The following FAM170A variants were observed in gnomAD, a reference collection of about 807,000 sequenced individuals.
The protein encoded by FAM170A is protein FAM170A.
In FAM170A, 28 loss-of-function variants were observed where a neutral mutation model predicts 36.6. That is an observed-to-expected ratio of 0.76 (90% confidence interval 0.57 to 1.05). FAM170A has a LOEUF of 1.05. Among genes scored for constraint, FAM170A ranks in the 50% least tolerant of loss-of-function variants. The probability of loss-of-function intolerance (pLI) is 0.00; values close to 1 mark genes in which losing one functional copy is unlikely to be tolerated. For missense variants in FAM170A, 434 were observed against 396.5 expected, an observed-to-expected ratio of 1.09 and a Z score of -0.80; for synonymous variants, 156 against 143.9, an observed-to-expected ratio of 1.08 and a Z score of -0.60.
chr5:119,632,728 T>G lies in FAM170A; in HGVS notation c.71-20T>G, dbSNP rs328698. The G allele has an allele frequency of 0.44, 682,377 of 1,541,124 alleles. 153,630 individuals carry two copies. Among genetic ancestry groups the G allele is most frequent in the East Asian group, 0.55 (23,888 of 43,470 alleles). ...CATTACCCATCCATCATATCTCTGT[T>G]CCCTTCATACCTTTCTCAGGAATGT... On this transcript the variant is annotated intron_variant, in intron 1 of 4. Coordinates refer to ENST00000613773, the Ensembl canonical transcript of FAM170A.
chr5:119,630,143 G>A (rs1394619427), intron 1 of FAM170A, among the ~76,000 whole-genome samples: 3 of 106,902 alleles, frequency 2.8e-5, no homozygotes, highest in Non-Finnish European at 5.4e-5. Flanking sequence ...CGCCTGCCTC[G>A]GCCTCCTTTT....
At position 119,634,452 on chromosome 5, in the gene FAM170A, G is replaced by A. The variant is rs749998655; in HGVS notation, c.704G>A (p.Arg235Gln). Reference sequence around the variant, plus strand: ...GGCTTCAGGTGCATGGCCTGCTGCCGGGTGTTCACCACCATGGAAGCCCTC... The same window carrying A: ...GGCTTCAGGTGCATGGCCTGCTGCCAGGTGTTCACCACCATGGAAGCCCTC... Residue 235 changes from arginine to glutamine, a missense_variant, in exon 3 of 5, where the codon CGG becomes CAG. Coordinates refer to ENST00000613773, the Ensembl canonical transcript of FAM170A. The A allele has an allele frequency of 2.2e-5, 36 of 1,614,042 alleles. No homozygotes were observed. Among genetic ancestry groups the A allele is most frequent in the African/African-American group, 5.3e-5 (4 of 74,940 alleles).
rs1434490750 is a variant in FAM170A, at chr5:119,632,945, A to G, written c.211+57A>G. ...TCCTTGGCTGTGGGGTTCATTGGGC[A>G]TGAAAATATTTGAGTGTGGGGCTCT... On this transcript the variant is annotated intron_variant, in intron 2 of 4. Transcript: ENST00000613773. The G allele has an allele frequency of 4.6e-6, 7 of 1,507,486 alleles. No homozygotes were observed. The East Asian group carries it at 1.4e-4, about 30-fold the overall frequency. The allele number at this position is 1,507,486 out of a possible 1,614,324, so 93.4% of individuals were successfully genotyped here.
intron 1 of FAM170A, among the ~76,000 whole-genome samples, chr5:119,630,220 G>C (rs1395025329): frequency 8.5e-6 from 1 of 117,046 alleles, no homozygotes; most frequent in Non-Finnish European, 1.7e-5. Flanking sequence ...AGTGGTGTGA[G>C]CTCGGCTCAC....
intron 1 of FAM170A, among the ~76,000 whole-genome samples, chr5:119,631,186 G>A (rs779088540): frequency 3.9e-5 from 6 of 152,202 alleles, no homozygotes; most frequent in Non-Finnish European, 7.3e-5. Flanking sequence ...GGGCAGAAAG[G>A]AGCCTGCCCC....
At position 119,635,018 on chromosome 5, in the gene FAM170A, T is replaced by A. The variant is rs748914603; in HGVS notation, c.987-13T>A. On this transcript the variant is annotated splice_polypyrimidine_tract_variant and intron_variant, in intron 3 of 4. Transcript: ENST00000613773. ...AAGAAGTGTCTTTCTTTGGTTTGAT[T>A]TTCACACAGCAGCTGAGACTTATGG... The A allele has an allele frequency of 1.2e-6, 2 of 1,614,070 alleles. No individual in the cohort carries two copies. The highest frequency in any genetic ancestry group is 1.7e-6 in the Non-Finnish European group (2 of 1,179,978).
intron 1 of FAM170A, among the ~76,000 whole-genome samples, chr5:119,631,631 T>A (rs1402119233): frequency 1.3e-5 from 2 of 152,136 alleles, no homozygotes; most frequent in Non-Finnish European, 2.9e-5. Context: ...CCACACACAG[T>A]GGATATAGTT....
intron 1 of FAM170A, among the ~76,000 whole-genome samples, chr5:119,631,727 G>T (rs1756256312): frequency 1.3e-5 from 2 of 151,042 alleles, no homozygotes; most frequent in South Asian, 4.2e-4. Flanking sequence ...TCTTGTGTGT[G>T]GGGAGTGTGT....
chr5:119,630,321 A>ATTTTTTTTTTTT (rs10603530), intron 1 of FAM170A, among the ~76,000 whole-genome samples: 2 of 118,392 alleles, frequency 1.7e-5, no homozygotes, highest in Admixed American at 8.6e-5. Flanking sequence ...CGCCTGGCTA[A>ATTTTTTTTTTTT]TTTTTTTTTT....
intron 1 of FAM170A, among the ~76,000 whole-genome samples, chr5:119,632,383 A>G (rs767400142): frequency 9.2e-5 from 14 of 152,236 alleles, no homozygotes; most frequent in Non-Finnish European, 1.6e-4. Context: ...GAAAAATTAC[A>G]TATTGCATAA....
exon 3 of FAM170A, chr5:119,634,111 A>G (rs762390444): frequency 1.9e-6 from 3 of 1,614,192 alleles, no homozygotes; most frequent in South Asian, 2.2e-5. Context: ...GTGTAAACAA[A>G]GAGGAAAGGG....
At chr5:119,631,114 G>C (rs374191894) in intron 1 of FAM170A, among the ~76,000 whole-genome samples, 1 of 152,172 alleles carries the variant, frequency 6.6e-6, no homozygotes, top group Non-Finnish European at 1.5e-5. Context: ...CATGATAATG[G>C]CATGTATTAA....
chr5:119,632,065 TA>T (rs1457163233), intron 1 of FAM170A, among the ~76,000 whole-genome samples: 1 of 152,134 alleles, frequency 6.6e-6, no homozygotes, highest in Non-Finnish European at 1.5e-5. Context: ...ATACTTACGC[TA>T]AAAAAATTAT....
At chr5:119,630,127 C>T (rs1179890693) in intron 1 of FAM170A, among the ~76,000 whole-genome samples, 1 of 134,198 alleles carries the variant, frequency 7.5e-6, no homozygotes. Context: ...TCCTGACCTC[C>T]TGATCCGCCT....
exon 2 of FAM170A, chr5:119,632,831 A>G (rs1236251439): frequency 6.2e-7 from 1 of 1,613,280 alleles, no homozygotes; most frequent in Non-Finnish European, 8.5e-7. Context: ...GGGAGAAGTT[A>G]CTTCTACCTC....
At chr5:119,634,992 T>C in intron 3 of FAM170A, 36 bp from the exon 4 acceptor site, 3 of 1,613,548 alleles carry the variant, frequency 1.9e-6, no homozygotes, top group Non-Finnish European at 2.5e-6. Flanking sequence ...TCGCATTAAC[T>C]AAGAAGTGTC....
At chr5:119,630,174 A>C (rs1756215021) in intron 1 of FAM170A, among the ~76,000 whole-genome samples, 1 of 94,256 alleles carries the variant, frequency 1.1e-5, no homozygotes, top group Non-Finnish European at 2.0e-5. Context: ...TTCGTTTCTG[A>C]GACAGAGTCT....
At chr5:119,630,265 C>T (rs1756218114) in intron 1 of FAM170A, among the ~76,000 whole-genome samples, 13 of 149,474 alleles carry the variant, frequency 8.7e-5, no homozygotes, top group Non-Finnish European at 1.5e-5. Context: ...CGCCATTCAC[C>T]TGCCTCAGCC....
At chr5:119,634,143 A>T (rs754553874) in exon 3 of FAM170A, 4 of 1,614,066 alleles carry the variant, frequency 2.5e-6, no homozygotes, top group Non-Finnish European at 2.5e-6. Context: ...TACTACATGC[A>T]GGTACAAATG....
Sources: gnomAD v4.1 joint callset for allele counts (sites outside exome capture counted in the v4.1 genomes callset) on GRCh38, gnomAD v4.1.1 for gene constraint, MANE v1.5 for transcripts, NCBI Gene and HGNC (gene_info 2026-07-23, HGNC 2026-07-21) for gene names.